The following GRB14 variants were observed in gnomAD, a reference collection of about 807,000 sequenced individuals.
GRB14 encodes growth factor receptor bound protein 14.
In GRB14, 38 loss-of-function variants were observed where a neutral mutation model predicts 69.1. The observed-to-expected ratio is 0.55, with a 90% CI of 0.42 to 0.72. The LOEUF (loss-of-function observed/expected upper bound fraction) is 0.72. GRB14 is among the 30% of genes least tolerant of loss of function. GRB14 has a pLI of 0.00. For missense variants in GRB14, 666 were observed against 666.1 expected, an observed-to-expected ratio of 1.00 and a Z score of 0.00; for synonymous variants, 247 against 241.3, an observed-to-expected ratio of 1.02 and a Z score of -0.22.
At chr2:164,513,550 T>C (rs984517912) in intron 6 of GRB14, among the ~76,000 whole-genome samples, 1 of 152,030 alleles carries the variant, frequency 6.6e-6, no homozygotes, top group Non-Finnish European at 1.5e-5. Context: ...CAGAAAATCC[T>C]AAGACAAATG....
chr2:164,606,497 T>C (rs537574131), intron 2 of GRB14, among the ~76,000 whole-genome samples: 1 of 152,296 alleles, frequency 6.6e-6, no homozygotes, highest in South Asian at 2.1e-4. Context: ...AAGTACTTTA[T>C]ACATGGAGGT....
chr2:164,602,632 C>T (rs1007703393), intron 2 of GRB14, among the ~76,000 whole-genome samples: 3 of 152,154 alleles, frequency 2.0e-5, no homozygotes, highest in African/African-American at 7.2e-5. Context: ...ATGAATCCTA[C>T]TCTAGGTGAG....
chr2:164,612,972 T>C (rs1690201996), intron 2 of GRB14, among the ~76,000 whole-genome samples: 1 of 152,188 alleles, frequency 6.6e-6, no homozygotes, highest in Non-Finnish European at 1.5e-5. Flanking sequence ...TAACTTCTCC[T>C]ACAATGAAGG....
At chr2:164,498,962 C>G (rs1686978814) in intron 9 of GRB14, among the ~76,000 whole-genome samples, 1 of 152,094 alleles carries the variant, frequency 6.6e-6, no homozygotes. Flanking sequence ...GATGCTGTCT[C>G]TGTAATCTCT....
chr2:164,513,179 A>C (rs1687384259), intron 6 of GRB14, among the ~76,000 whole-genome samples: 1 of 148,168 alleles, frequency 6.7e-6, no homozygotes. Context: ...TCTCTCTTTC[A>C]CTCTCTGTCT....
In GRB14 at chr2:164,495,230, C is replaced by T. The variant is rs183011222; in HGVS notation, c.1383-706G>A. 4.0e-3 allele frequency among the ~76,000 whole-genome samples: 595 copies of T among 150,502 alleles called. 2 individuals are homozygous for T. The highest frequency in any genetic ancestry group is 0.015 in the African/African-American group (578 of 39,852). On this transcript the variant is annotated intron_variant, in intron 12 of 13. Transcript: ENST00000263915. ...GTGCTGAGATTACAGGCATGAGCCA[C>T]CACGCCTGGCCTGAAATTTTATTTT...
chr2:164,577,278 T>C (rs1193878127), intron 2 of GRB14, among the ~76,000 whole-genome samples: 1 of 152,202 alleles, frequency 6.6e-6, no homozygotes, highest in Non-Finnish European at 1.5e-5. Flanking sequence ...ACAAGATCAA[T>C]GAGGGGGATC....
intron 2 of GRB14, among the ~76,000 whole-genome samples, chr2:164,581,531 T>G (rs1044329419): frequency 6.6e-6 from 1 of 152,136 alleles, no homozygotes; most frequent in African/African-American, 2.4e-5. Flanking sequence ...TTCTAGATGC[T>G]GGACAAGAAA....
chr2:164,557,309 A>G (rs1053561941), intron 2 of GRB14, among the ~76,000 whole-genome samples: 5 of 152,224 alleles, frequency 3.3e-5, no homozygotes, highest in Admixed American at 3.3e-4. Context: ...ACTGTGGTAC[A>G]CTGGTTTCCA....
rs745896056 is a variant in GRB14 at position 164,508,817 on chromosome 2, G to A, written c.852C>T (p.Gly284=). ...PRHLQFFSEF[G]NSDIYVSLAG... ...CCAGTGACACATAAATATCACTATT[G>A]CCAAATTCGCTGAAAAACTGCAAAT... The change falls in exon 7 of 14, where the codon GGC becomes GGT. Residue 284 remains glycine (G), a synonymous_variant. Transcript: ENST00000263915. 30 of 1,577,052 alleles carry A rather than the reference G, an allele frequency of 1.9e-5. No homozygotes were observed. The highest frequency in any genetic ancestry group is 2.5e-5 in the Non-Finnish European group (29 of 1,167,340).
At chr2:164,594,355 A>T (rs921053194) in intron 2 of GRB14, among the ~76,000 whole-genome samples, 12 of 152,222 alleles carry the variant, frequency 7.9e-5, no homozygotes, top group Non-Finnish European at 1.8e-4. Flanking sequence ...AATTTGATGC[A>T]TCCACATGGC....
At chr2:164,581,250 C>T (rs1255205995) in intron 2 of GRB14, among the ~76,000 whole-genome samples, 1 of 152,112 alleles carries the variant, frequency 6.6e-6, no homozygotes, top group East Asian at 1.9e-4. Flanking sequence ...ATGTCAGTGT[C>T]CTAATTCCTG....
intron 3 of GRB14, among the ~76,000 whole-genome samples, chr2:164,543,102 G>A (rs1330230336): frequency 6.6e-6 from 1 of 151,906 alleles, no homozygotes; most frequent in Non-Finnish European, 1.5e-5. Context: ...ATTCAAGCCT[G>A]GCCAACATGG....
At chr2:164,508,988 G>A (rs879138002) in intron 6 of GRB14, 136 bp from the exon 7 acceptor site, 5 of 442,410 alleles carry the variant, frequency 1.1e-5, no homozygotes. Flanking sequence ...AATAAAAGGA[G>A]AAAAAAAATC....
chr2:164,620,043 T>C, intron 1 of GRB14: 1 of 51,586 alleles, frequency 1.9e-5, no homozygotes, highest in Non-Finnish European at 3.6e-5. Flanking sequence ...TTTCTGTCTC[T>C]CTCTCTCTCT....
chr2:164,516,319 C>T (rs1010915313), intron 6 of GRB14, among the ~76,000 whole-genome samples: 1 of 151,984 alleles, frequency 6.6e-6, no homozygotes, highest in African/African-American at 2.4e-5. Context: ...GAGGCATAAG[C>T]ATCAGGTAAC....
chr2:164,522,286 A>C (rs1215575703), intron 5 of GRB14, among the ~76,000 whole-genome samples, 169 bp from the exon 6 acceptor site: 1 of 152,058 alleles, frequency 6.6e-6, no homozygotes, highest in East Asian at 1.9e-4. Context: ...TTGCTTTGAT[A>C]GTCCTTGGTA....
At chr2:164,538,944 A>C (rs1219209709) in intron 3 of GRB14, among the ~76,000 whole-genome samples, 1 of 152,158 alleles carries the variant, frequency 6.6e-6, no homozygotes, top group African/African-American at 2.4e-5. Context: ...TTTGCAATTT[A>C]AATTATAGCA....
intron 2 of GRB14, among the ~76,000 whole-genome samples, chr2:164,583,343 G>A (rs1429375699): frequency 6.6e-6 from 1 of 152,136 alleles, no homozygotes; most frequent in African/African-American, 2.4e-5. Context: ...GTAAAAGGTA[G>A]AGAGAATCAA....
Sources: allele counts gnomAD v4.1 joint callset (sites outside exome capture counted in the v4.1 genomes callset), GRCh38; gene constraint gnomAD v4.1.1; transcripts MANE v1.5; gene names NCBI Gene and HGNC (gene_info 2026-07-23, HGNC 2026-07-21).